The following XIRP2 variants were observed in gnomAD, a reference collection of about 807,000 sequenced individuals.
XIRP2 encodes xin actin binding repeat containing 2, also known as xin actin-binding repeat-containing protein 2.
Under a neutral mutation model 277.0 loss-of-function variants are expected in XIRP2, and 236 were observed. The observed-to-expected ratio is 0.85, with a 90% confidence interval of 0.77 to 0.95. The LOEUF (loss-of-function observed/expected upper bound fraction) is 0.95, where lower values mean the gene tolerates loss of function less well. XIRP2 is among the 40% of genes least tolerant of loss of function. XIRP2 has a pLI of 0.00. For missense variants in XIRP2, 4,640 were observed against 4,157.5 expected, an observed-to-expected ratio of 1.12 and a Z score of -3.19; for synonymous variants, 1,490 against 1,416.5, an observed-to-expected ratio of 1.05 and a Z score of -1.17.
At chr2:166,940,291 C>G (rs1685667479) in intron 2 of XIRP2, among the ~76,000 whole-genome samples, 1 of 152,196 alleles carries the variant, frequency 6.6e-6, no homozygotes, top group Non-Finnish European at 1.5e-5. Flanking sequence ...TGGTTTTCAG[C>G]TCTATCATGT....
chr2:167,046,625 A>C (rs1265746548), intron 2 of XIRP2, among the ~76,000 whole-genome samples: 2 of 152,046 alleles, frequency 1.3e-5, no homozygotes, highest in Non-Finnish European at 2.9e-5. Flanking sequence ...CATTTACAGC[A>C]ACTTGGATGC....
chr2:166,908,315 T>C (rs1684587068), intron 2 of XIRP2, among the ~76,000 whole-genome samples: 1 of 152,176 alleles, frequency 6.6e-6, no homozygotes, highest in Non-Finnish European at 1.5e-5. Context: ...TTCTAACTGG[T>C]GTGAGATGGT....
intron 9 of XIRP2, 38 bp downstream of exon 9, chr2:167,251,985 T>C (rs373554423): frequency 9.9e-6 from 15 of 1,515,464 alleles, no homozygotes; most frequent in Non-Finnish European, 1.3e-5. Flanking sequence ...AGATTAACCA[T>C]TTAAAGGCAT....
chr2:166,975,878 C>T lies in XIRP2; in HGVS notation c.408+71988C>T, dbSNP rs542327046. Among the ~76,000 whole-genome samples the T allele has an allele frequency of 2.3e-5, 3 of 130,212 alleles. No individual in the cohort carries two copies. The South Asian group carries it at 7.4e-4, about 32-fold the overall frequency. 85.4% of individuals were successfully genotyped at this position (130,212 alleles called of 152,430 possible). ...CCCTGGAGGCGGAGCTTGCAGTGAG[C>T]CGAGATCGTGCTACTGTACTCCAGC... is the stretch of plus-strand genomic sequence containing the variant. On this transcript the variant is annotated intron_variant, in intron 2 of 10. Transcript: ENST00000409195.
In XIRP2 at chr2:167,244,250, A is replaced by C. The variant is rs1413670351; in HGVS notation, c.2858A>C (p.Glu953Ala). Residue 953 changes from glutamate (E) to alanine (A), a missense_variant, in exon 9 of 11, where the codon GAA becomes GCA. Coordinates refer to ENST00000409195, the MANE Select transcript of XIRP2 (RefSeq NM_152381.6). The stretch of plus-strand genomic sequence containing the variant: ...GTGAAGAATTACACACATATCTTTG[A>C]ATCAAACAATTTAATTAAATTTGAT... ...GDVKNYTHIF[E>A]SNNLIKFDAS... is the part of the protein sequence containing the mutation. 1 of 1,613,800 alleles carries C rather than the reference A, an allele frequency of 6.2e-7. No individual in the cohort carries two copies. The highest frequency in any genetic ancestry group is 1.1e-5 in the South Asian group (1 of 91,028).
At chr2:166,968,811 A>G (rs561881275) in intron 2 of XIRP2, among the ~76,000 whole-genome samples, 17 of 152,150 alleles carry the variant, frequency 1.1e-4, no homozygotes, top group Non-Finnish European at 2.4e-4. Flanking sequence ...CTTGACTGAC[A>G]GAAACAAAAC....
chr2:166,944,542 T>C (rs1187536969), intron 2 of XIRP2, among the ~76,000 whole-genome samples: 3 of 152,228 alleles, frequency 2.0e-5, no homozygotes, highest in Admixed American at 2.0e-4. Context: ...TCATAGCAGA[T>C]GAGAGCCCAA....
At chr2:167,041,005 C>A (rs1173360597) in intron 2 of XIRP2, among the ~76,000 whole-genome samples, 5 of 152,182 alleles carry the variant, frequency 3.3e-5, no homozygotes, top group Admixed American at 3.3e-4. Flanking sequence ...TGCCAGCATC[C>A]TCCATCACAG....
intron 3 of XIRP2, among the ~76,000 whole-genome samples, chr2:167,181,784 AT>A (rs1225312227): frequency 6.6e-6 from 1 of 151,882 alleles, no homozygotes; most frequent in Non-Finnish European, 1.5e-5. Context: ...TTTTACTTTT[AT>A]TTTTTATATT....
chr2:167,036,807 G>T (rs1263940578), intron 2 of XIRP2, among the ~76,000 whole-genome samples: 5 of 152,078 alleles, frequency 3.3e-5, no homozygotes, highest in Non-Finnish European at 5.9e-5. Flanking sequence ...TTGTGGAAGG[G>T]CCCCAGGGGT....
chr2:167,031,344 T>C (rs1486786724), intron 2 of XIRP2, among the ~76,000 whole-genome samples: 1 of 152,094 alleles, frequency 6.6e-6, no homozygotes, highest in Non-Finnish European at 1.5e-5. Context: ...GTTTTTCCTT[T>C]CCATATTTAG....
At chr2:167,105,702 G>A (rs1391450887) in intron 2 of XIRP2, among the ~76,000 whole-genome samples, 1 of 151,806 alleles carries the variant, frequency 6.6e-6, no homozygotes, top group Admixed American at 6.6e-5. Flanking sequence ...GGAGCGTATG[G>A]TAGTTTCAGC....
At position 167,164,349 on chromosome 2, in the gene XIRP2, G is replaced by A. The variant is rs549035126; in HGVS notation, c.562+28287G>A. On this transcript the variant is annotated intron_variant, in intron 3 of 10. Coordinates refer to ENST00000409195, the MANE Select transcript of XIRP2 (RefSeq NM_152381.6). ...TAGTCCCAGCTACTCGGGAGGCTGA[G>A]GCAGGAGAATGGCGTGAACCCGGGA... Among the ~76,000 whole-genome samples the A allele has an allele frequency of 2.0e-5, 3 of 151,106 alleles. No individual in the cohort carries two copies. The East Asian group carries it at 5.9e-4, about 30-fold the overall frequency.
intron 3 of XIRP2, among the ~76,000 whole-genome samples, chr2:167,163,710 A>C (rs1692436037): frequency 6.6e-6 from 1 of 152,124 alleles, no homozygotes; most frequent in South Asian, 2.1e-4. Context: ...ACTTTCTATG[A>C]TCTCTGAACC....
intron 2 of XIRP2, among the ~76,000 whole-genome samples, chr2:167,033,370 A>T (rs1688419413): frequency 6.6e-6 from 1 of 152,140 alleles, no homozygotes; most frequent in Admixed American, 6.5e-5. Context: ...ACAAACCACC[A>T]TGGCACGTGT....
At chr2:167,214,863 G>T (rs181591633) in intron 4 of XIRP2, among the ~76,000 whole-genome samples, 132 of 152,188 alleles carry the variant, frequency 8.7e-4, no homozygotes, top group African/African-American at 2.7e-3. Context: ...CACCACACCA[G>T]GCTGGTATAT....
Position 166,952,976 on chromosome 2 carries a change from A to G in XIRP2, c.408+49086A>G, listed in dbSNP as rs147597519. On this transcript the variant is annotated intron_variant, in intron 2 of 10. Transcript: ENST00000409195. ...AATTTAAAAATTGCTTAGGCATTTC[A>G]TATACAAAATTATTATTGCAGAGAG... 6.1e-4 allele frequency among the ~76,000 whole-genome samples: 93 copies of G among 152,160 alleles called. 1 individual carries two copies. In the East Asian group the frequency reaches 0.017, roughly 28 times the overall value.
chr2:167,220,907 C>T (rs1158252839), intron 5 of XIRP2, among the ~76,000 whole-genome samples: 4 of 152,046 alleles, frequency 2.6e-5, no homozygotes, highest in African/African-American at 7.2e-5. Flanking sequence ...CCCTGCTCTG[C>T]GAATGTGTAT....
chr2:167,030,711 A>C (rs556918507), intron 2 of XIRP2, among the ~76,000 whole-genome samples: 33 of 152,296 alleles, frequency 2.2e-4, no homozygotes, highest in African/African-American at 7.5e-4. Context: ...AGAGTTCTGC[A>C]GATGTCTATT....
Sources: gnomAD v4.1 joint callset for allele counts (sites outside exome capture counted in the v4.1 genomes callset) on GRCh38, gnomAD v4.1.1 for gene constraint, MANE v1.5 for transcripts, NCBI Gene and HGNC (gene_info 2026-07-23, HGNC 2026-07-21) for gene names.